The following PIWIL1 variants were observed in gnomAD, a reference collection of about 807,000 sequenced individuals.
PIWIL1 encodes piwi-like protein 1.
Under a neutral mutation model 114.4 loss-of-function variants are expected in PIWIL1, and 73 were observed. The observed-to-expected ratio is 0.64, with a 90% CI of 0.53 to 0.78. PIWIL1 has a LOEUF of 0.78. Ranked by LOEUF, PIWIL1 falls within the 30% of genes least tolerant of loss-of-function variation. PIWIL1 has a pLI of 0.00. For missense variants in PIWIL1, 723 were observed against 1,063.1 expected, an observed-to-expected ratio of 0.68 and a Z score of 4.45; for synonymous variants, 375 against 369.0, an observed-to-expected ratio of 1.02 and a Z score of -0.19.
chr12:130,383,037 A>G, the PIWIL1 span, among the ~76,000 whole-genome samples: 18 of 152,364 alleles, frequency 1.2e-4, no homozygotes, highest in African/African-American at 4.3e-4. Flanking sequence ...TCAACAAGAT[A>G]GATTGCAAGC....
chr12:130,406,071 T>G, the PIWIL1 span: 108 of 750,372 alleles, frequency 1.4e-4, 1 homozygote, highest in Non-Finnish European at 2.3e-4. Flanking sequence ...ATGACGTTCA[T>G]GCCCAATTTT....
At chr12:130,413,420 A>G in the PIWIL1 span, among the ~76,000 whole-genome samples, 1 of 152,116 alleles carries the variant, frequency 6.6e-6, no homozygotes, top group Non-Finnish European at 1.5e-5. Flanking sequence ...ACTTAAGATC[A>G]GGAGTTTGGG....
At chr12:130,423,971 C>T in the PIWIL1 span, among the ~76,000 whole-genome samples, 3 of 152,112 alleles carry the variant, frequency 2.0e-5, no homozygotes, top group Admixed American at 1.3e-4. Context: ...TCAGCATGGT[C>T]AAAAGGTTGG....
chr12:130,373,936 C>CT (rs2073847317), downstream of PIWIL1, among the ~76,000 whole-genome samples: 1 of 152,192 alleles, frequency 6.6e-6, no homozygotes, highest in African/African-American at 2.4e-5. Flanking sequence ...ATGTGCGTAT[C>CT]TGAGTGGGAT....
chr12:130,381,807 C>T, the PIWIL1 span, among the ~76,000 whole-genome samples: 1 of 152,202 alleles, frequency 6.6e-6, no homozygotes, highest in South Asian at 2.1e-4. Context: ...ACGTCTTTCC[C>T]AGCGTTTGCT....
intron 1 of PIWIL1, among the ~76,000 whole-genome samples, chr12:130,340,852 T>C (rs2136120258): frequency 6.6e-6 from 1 of 152,340 alleles, no homozygotes; most frequent in Middle Eastern, 3.4e-3. Context: ...TGTAATATGC[T>C]GGCACCTCAG....
chr12:130,401,626 A>G, the PIWIL1 span, among the ~76,000 whole-genome samples: 1 of 151,278 alleles, frequency 6.6e-6, no homozygotes, highest in South Asian at 2.1e-4. Flanking sequence ...TTATTAGCTT[A>G]TTTTTCTCTG....
At chr12:130,398,347 T>G in the PIWIL1 span, 2 of 152,466 alleles carry the variant, frequency 1.3e-5, no homozygotes, top group Non-Finnish European at 1.5e-5. Flanking sequence ...GAGTGTTTAG[T>G]ATTCAGCAGG....
chr12:130,394,106 A>G, the PIWIL1 span, among the ~76,000 whole-genome samples: 1 of 152,122 alleles, frequency 6.6e-6, no homozygotes, highest in Non-Finnish European at 1.5e-5. Flanking sequence ...CTCTCTCTGC[A>G]TAGCTCCTCC....
chr12:130,387,770 A>G, the PIWIL1 span, among the ~76,000 whole-genome samples: 1 of 152,190 alleles, frequency 6.6e-6, no homozygotes, highest in Non-Finnish European at 1.5e-5. Flanking sequence ...TGAAATTATC[A>G]TTCCCTTGCC....
chr12:130,394,449 A>G, the PIWIL1 span, among the ~76,000 whole-genome samples: 1 of 152,246 alleles, frequency 6.6e-6, no homozygotes, highest in Non-Finnish European at 1.5e-5. Context: ...TTTCAAAATT[A>G]AAAATGTTTA....
chr12:130,378,434 T>G, the PIWIL1 span, among the ~76,000 whole-genome samples: 3 of 152,222 alleles, frequency 2.0e-5, no homozygotes, highest in Non-Finnish European at 4.4e-5. Context: ...TGAAAAACAC[T>G]GTTGAGGATT....
At chr12:130,410,397 CT>C in the PIWIL1 span, among the ~76,000 whole-genome samples, 1 of 152,112 alleles carries the variant, frequency 6.6e-6, no homozygotes, top group Non-Finnish European at 1.5e-5. Context: ...TGACTTTTTC[CT>C]TTTATGTATC....
chr12:130,395,159 C>T, the PIWIL1 span, among the ~76,000 whole-genome samples: 3 of 152,170 alleles, frequency 2.0e-5, no homozygotes, highest in Non-Finnish European at 2.9e-5. Flanking sequence ...TCTTTGAGTA[C>T]TCTGTACAGT....
chr12:130,356,767 C>T (rs2136164774), intron 12 of PIWIL1, 151 bp from the exon 13 acceptor site: 1 of 527,142 alleles, frequency 1.9e-6, no homozygotes, highest in South Asian at 3.6e-5. Flanking sequence ...AGTCTACCCC[C>T]ATTGAGGACA....
the PIWIL1 span, among the ~76,000 whole-genome samples, chr12:130,410,664 A>T: frequency 6.6e-6 from 1 of 152,042 alleles, no homozygotes; most frequent in East Asian, 1.9e-4. Flanking sequence ...AAATCAGTGG[A>T]CTCCATATGT....
chr12:130,378,393 T>G, the PIWIL1 span, among the ~76,000 whole-genome samples: 1 of 152,240 alleles, frequency 6.6e-6, no homozygotes, highest in African/African-American at 2.4e-5. Flanking sequence ...TTTGGATGTT[T>G]CCAATCTTTG....
At chr12:130,409,686 C>T in the PIWIL1 span, among the ~76,000 whole-genome samples, 1 of 152,060 alleles carries the variant, frequency 6.6e-6, no homozygotes, top group Non-Finnish European at 1.5e-5. Context: ...CTGGATGACG[C>T]CTCTGAGATT....
At chr12:130,410,040 T>C in the PIWIL1 span, among the ~76,000 whole-genome samples, 2 of 152,278 alleles carry the variant, frequency 1.3e-5, no homozygotes, top group South Asian at 2.1e-4. Flanking sequence ...TGGCACACTT[T>C]GTGCCCACAC....
Sources: allele counts gnomAD v4.1 joint callset (sites outside exome capture counted in the v4.1 genomes callset), GRCh38; gene constraint gnomAD v4.1.1; transcripts MANE v1.5; gene names NCBI Gene and HGNC (gene_info 2026-07-23, HGNC 2026-07-21).